PIEZO1: variants seen among roughly 807,000 people sequenced by gnomAD.
PIEZO1 encodes piezo type mechanosensitive ion channel component 1 (Er blood group).
In PIEZO1, 296 loss-of-function variants were observed where a neutral mutation model predicts 297.2. That is an observed-to-expected ratio of 1.00 (90% CI 0.91 to 1.10). The LOEUF (loss-of-function observed/expected upper bound fraction) is 1.10. Among genes scored for constraint, PIEZO1 ranks in the 50% least tolerant of loss-of-function variants. The pLI is 0.00. For missense variants in PIEZO1, 5,018 were observed against 3,455.5 expected (o/e 1.45, Z -11.34); for synonymous variants, 2,427 against 1,507.5 (o/e 1.61, Z -14.13).
At chr16:88,771,001 G>T (rs1182356121) in intron 1 of PIEZO1, among the ~76,000 whole-genome samples, 4 of 152,222 alleles carry the variant, frequency 2.6e-5, no homozygotes, top group Admixed American at 2.0e-4. Context: ...TCTGCAGGCG[G>T]GGCCTGGGCG....
At chr16:88,734,567 C>T (rs1256299680) in intron 15 of PIEZO1, 29 bp from the exon 16 acceptor site, 63 of 1,544,034 alleles carry the variant, frequency 4.1e-5, no homozygotes, top group Admixed American at 7.9e-5. Flanking sequence ...AGCACCGGCC[C>T]GGCCCCCGGC....
chr16:88,730,553 G>T (rs543240850), intron 22 of PIEZO1, among the ~76,000 whole-genome samples: 62 of 136,170 alleles, frequency 4.6e-4, no homozygotes, highest in Admixed American at 3.9e-3. Context: ...AGCCGAGATT[G>T]TGCCAGTGTA....
At position 88,741,423 on chromosome 16, in the gene PIEZO1, A is replaced by G. The variant is rs937864294; in HGVS notation, c.465+55T>C. ...ATTAAAATAACCCTCAAAATGGCTG[A>G]GACCACAGCTCTCGAATGACCTCCC... On this transcript the variant is annotated intron_variant, in intron 5 of 50. Transcript: ENST00000301015. 6 of 1,425,976 alleles carry G rather than the reference A, an allele frequency of 4.2e-6. No homozygotes were observed. The African/African-American group carries it at 8.7e-5, about 21-fold the overall frequency. The allele number at this position is 1,425,976 out of a possible 1,614,324, so 88.3% of individuals were successfully genotyped here.
intron 1 of PIEZO1, among the ~76,000 whole-genome samples, chr16:88,758,976 G>A (rs941469266): frequency 2.6e-5 from 4 of 152,218 alleles, no homozygotes; most frequent in African/African-American, 9.6e-5. Flanking sequence ...GGCTGAGGAA[G>A]ATCCACACCA....
In PIEZO1 at chr16:88,732,721, G is replaced by T. The variant is rs747122818; in HGVS notation, c.2676C>A (p.Asn892Lys). 126 of 1,547,194 alleles carry T rather than the reference G, an allele frequency of 8.1e-5. No individual in the cohort carries two copies. Among genetic ancestry groups the T allele is most frequent in the Non-Finnish European group, 1.1e-4 (124 of 1,145,218 alleles). ...YSSNCTEPFP[N>K]STNLLPTEIS... ...TCTCCGTGGGCAGCAAGTTGGTGCT[G>T]TTGGGGAAGGGCTGGCAAGAGGCCA... The change falls in exon 20 of 51, where the codon AAC becomes AAA. Residue 892 changes from asparagine to lysine, a missense_variant. Coordinates refer to ENST00000301015, the MANE Select transcript of PIEZO1 (RefSeq NM_001142864.4).
intron 1 of PIEZO1, among the ~76,000 whole-genome samples, chr16:88,751,330 C>T (rs73266671): frequency 0.064 from 9,809 of 152,270 alleles, 1,051 homozygotes; most frequent in African/African-American, 0.22. Context: ...GTGGAGCTGA[C>T]GCTTGCACCT....
intron 1 of PIEZO1, among the ~76,000 whole-genome samples, chr16:88,771,064 CT>C (rs1331041842): frequency 6.6e-6 from 1 of 152,230 alleles, no homozygotes; most frequent in Non-Finnish European, 1.5e-5. Flanking sequence ...CCTTCCGCCC[CT>C]GTCACTTAGC....
rs1354244389 is a variant in PIEZO1, at chr16:88,738,654, C to T, written c.548G>A (p.Arg183Gln). The change falls in exon 6 of 51, where the codon CGG (arginine) becomes CAG (glutamine). Residue 183 changes from arginine to glutamine, a missense_variant. By Grantham distance (43) the Arg-to-Gln change is conservative. Coordinates refer to ENST00000301015, the MANE Select transcript of PIEZO1 (RefSeq NM_001142864.4). ...CGTGACTCGGAAACGAGCGGCCAGC[C>T]GTGACCTCCGTGTAGGGGCCAGCGT... ...AATLAPTRRS[R>Q]LAARFRVTAH... is the part of the protein sequence containing the mutation. 28 of 1,535,598 alleles carry T rather than the reference C, an allele frequency of 1.8e-5. No individual in the cohort carries two copies. The highest frequency in any genetic ancestry group is 3.3e-4 in the Middle Eastern group (2 of 6,012).
At chr16:88,741,006 A>C (rs2142840915) in intron 5 of PIEZO1, 1 of 153,890 alleles carries the variant, frequency 6.5e-6, no homozygotes. Context: ...TCTGCCTCCC[A>C]CTCCGAGGAC....
chr16:88,722,903 C>T lies in PIEZO1; in HGVS notation c.4602G>A (p.Arg1534=), dbSNP rs1648065456. 2 of 1,549,102 alleles carry T rather than the reference C, an allele frequency of 1.3e-6. No homozygotes were observed. The highest frequency in any genetic ancestry group is 8.7e-7 in the Non-Finnish European group (1 of 1,146,802). The part of the protein sequence containing the change: ...ELTRWLQEFT[R]HHGTMSDVLR... The stretch of plus-strand genomic sequence containing the variant: ...GCACGTCGCTCATGGTGCCGTGGTG[C>T]CGGGTGAACTCCTGCAGCCAGCGTG... Residue 1534 remains arginine, a synonymous_variant, in exon 34 of 51, where the codon CGG becomes CGA. Coordinates refer to ENST00000301015, the MANE Select transcript of PIEZO1 (RefSeq NM_001142864.4).
intron 34 of PIEZO1, 50 bp downstream of exon 34, chr16:88,722,787 G>A (rs1316193680): frequency 1.3e-6 from 2 of 1,532,626 alleles, no homozygotes; most frequent in Admixed American, 2.0e-5. Context: ...AAGCAGGCAG[G>A]GGCGTAGTCA....
intron 44 of PIEZO1, chr16:88,719,284 G>A: frequency 2.5e-6 from 1 of 394,980 alleles, no homozygotes; most frequent in South Asian, 3.3e-5. Flanking sequence ...AAACAAGAAT[G>A]CAGCAAACAG....
chr16:88,726,717 A>G lies in PIEZO1; in HGVS notation c.3697T>C (p.Ser1233Pro). Residue 1233 changes from serine (S) to proline (P), a missense_variant and splice_region_variant, in exon 25 of 51, where the codon TCG becomes CCG. Transcript: ENST00000301015. ...GTGCGGGGGGGCCGGAGGCTCACCG[A>G]CAGCATGTTCTTGGAGATGATGACG... ...VTVIISKNMLSLLACVFVEQM... is the reference protein window; with the variant it reads ...VTVIISKNMLPLLACVFVEQM... 1.9e-6 allele frequency: 3 copies of G among 1,549,536 alleles called. No individual in the cohort carries two copies. Among genetic ancestry groups the G allele is most frequent in the Non-Finnish European group, 1.7e-6 (2 of 1,146,430 alleles).
chr16:88,724,960 G>A (rs1438581495), intron 30 of PIEZO1, 49 bp downstream of exon 30: 8 of 1,177,224 alleles, frequency 6.8e-6, no homozygotes, highest in African/African-American at 1.6e-5. Context: ...GACAGATGGG[G>A]GCACAGAGGG....
intron 1 of PIEZO1, among the ~76,000 whole-genome samples, chr16:88,768,933 A>C (rs1907299671): frequency 6.6e-6 from 1 of 152,176 alleles, no homozygotes; most frequent in Non-Finnish European, 1.5e-5. Flanking sequence ...TTGGCAAAGC[A>C]AGCTGGGCCT....
chr16:88,746,954 C>A (rs2340964), intron 2 of PIEZO1, among the ~76,000 whole-genome samples: 7 of 152,196 alleles, frequency 4.6e-5, no homozygotes, highest in Admixed American at 6.5e-5. Flanking sequence ...GCCCACCCAC[C>A]CCAGCCATGC....
intron 2 of PIEZO1, chr16:88,743,438 A>G (rs1400536112): frequency 4.6e-6 from 2 of 437,252 alleles, no homozygotes; most frequent in African/African-American, 2.0e-5. Context: ...CGGCCACGAG[A>G]AAGTGCAGAA....
At chr16:88,774,722 G>A (rs1423782149) in intron 1 of PIEZO1, among the ~76,000 whole-genome samples, 4 of 152,230 alleles carry the variant, frequency 2.6e-5, no homozygotes, top group Non-Finnish European at 1.5e-5. Context: ...TTATGCCACA[G>A]TGGCTGGGGA....
At chr16:88,770,943 C>T (rs866304525) in intron 1 of PIEZO1, among the ~76,000 whole-genome samples, 12 of 152,222 alleles carry the variant, frequency 7.9e-5, no homozygotes, top group African/African-American at 2.7e-4. Context: ...GACTCCCTGC[C>T]GTCACATGCC....
Sources: gnomAD v4.1 joint callset for allele counts (sites outside exome capture counted in the v4.1 genomes callset) on GRCh38, gnomAD v4.1.1 for gene constraint, MANE v1.5 for transcripts, NCBI Gene and HGNC (gene_info 2026-07-23, HGNC 2026-07-21) for gene names.